Variants in LNX1 observed in about 807,000 individuals in gnomAD.
LNX1 encodes the protein E3 ubiquitin-protein ligase LNX.
A neutral mutation model predicts 68.4 loss-of-function variants in LNX1; 54 were observed. The ratio of observed to expected loss-of-function variants is 0.79; its 90% CI spans 0.63 to 0.99. LNX1 has a LOEUF of 0.99. Among genes scored for constraint, LNX1 ranks in the 50% least tolerant of loss-of-function variants. The pLI, the probability that LNX1 is intolerant of heterozygous loss-of-function variation, is 0.00. For missense variants in LNX1, 906 were observed against 926.4 expected, an observed-to-expected ratio of 0.98 and a Z score of 0.29; for synonymous variants, 336 against 350.0, an observed-to-expected ratio of 0.96 and a Z score of 0.45.
rs757281235 is a variant in LNX1, at chr4:53,558,029, C to G, written c.380+15594G>C. ...TGTCAGCTACAAGGGCCCAAACCAG[C>G]CAAGCTCCTTTAAGCAAACCTTGCC... On this transcript the variant is annotated intron_variant, in intron 2 of 10. Coordinates refer to ENST00000263925, the MANE Select transcript of LNX1 (RefSeq NM_001126328.3). The G allele has an allele frequency of 2.1e-5, 33 of 1,603,484 alleles. No individual in the cohort carries two copies. The East Asian group carries it at 7.4e-4, about 36-fold the overall frequency.
At chr4:53,584,836 T>C (rs566465945) in intron 1 of LNX1, among the ~76,000 whole-genome samples, 84 of 152,368 alleles carry the variant, frequency 5.5e-4, no homozygotes, top group African/African-American at 2.0e-3. Context: ...GTTTTTCAAA[T>C]AGCTAGTGCT....
chr4:53,630,331 G>A (rs1257937148), intron 1 of LNX1, among the ~76,000 whole-genome samples: 2 of 152,044 alleles, frequency 1.3e-5, no homozygotes, highest in African/African-American at 4.8e-5. Context: ...CAGGATTCAC[G>A]GTGTTTTCAC....
At chr4:53,651,638 A>T (rs1268010520) in intron 1 of LNX1, among the ~76,000 whole-genome samples, 1 of 152,140 alleles carries the variant, frequency 6.6e-6, no homozygotes, top group African/African-American at 2.4e-5. Context: ...TGGAGACAGG[A>T]TGTGCTGCTG....
intron 9 of LNX1, among the ~76,000 whole-genome samples, chr4:53,474,415 C>G (rs996912337): frequency 4.6e-5 from 7 of 152,162 alleles, no homozygotes; most frequent in Non-Finnish European, 1.0e-4. Context: ...TCTCACACCA[C>G]AACAGCAGAA....
chr4:53,542,955 C>T lies in LNX1; in HGVS notation c.380+30668G>A, dbSNP rs574952039. ...TCTAACGTGGTTCTCACTTGCTACT[C>T]AGGAATCCTGTGCTGTAGGAATCAT... On this transcript the variant is annotated intron_variant, in intron 2 of 10. Coordinates refer to ENST00000263925, the MANE Select transcript of LNX1 (RefSeq NM_001126328.3). Among the ~76,000 whole-genome samples, 56 of 152,292 alleles carry T rather than the reference C, an allele frequency of 3.7e-4. No homozygotes were observed. In the South Asian group the frequency reaches 5.2e-3, roughly 14 times the overall value.
intron 6 of LNX1, among the ~76,000 whole-genome samples, chr4:53,488,851 A>C (rs1446259492): frequency 6.6e-6 from 1 of 152,184 alleles, no homozygotes; most frequent in African/African-American, 2.4e-5. Context: ...GTCATCAGTC[A>C]TTCCGGTTGA....
rs760179311 is a variant in LNX1, at chr4:53,498,803, A to G, written c.816T>C (p.Ile272=). Residue 272 remains isoleucine (I), a synonymous_variant, in exon 5 of 11, where the codon ATT becomes ATC. Transcript: ENST00000263925. ...RLYHLIPDGE[I]TSIKINRVDP... ...CTACTCGATTGATCTTGATGCTGGT[A>G]ATTTCACCATCTGGAATCAGGTGGT... 6.2e-7 allele frequency: 1 copy of G among 1,614,044 alleles called. No individual in the cohort carries two copies. The highest frequency in any genetic ancestry group is 1.1e-5 in the South Asian group (1 of 91,078).
At chr4:53,588,649 A>G (rs1732319741) in intron 1 of LNX1, among the ~76,000 whole-genome samples, 1 of 152,102 alleles carries the variant, frequency 6.6e-6, no homozygotes. Context: ...GTAAGGATGG[A>G]GGGGGCCTGT....
At chr4:53,461,155 T>A (rs1158176207) in intron 10 of LNX1, 113 bp from the exon 11 acceptor site, 1 of 847,462 alleles carries the variant, frequency 1.2e-6, no homozygotes, top group African/African-American at 1.7e-5. Flanking sequence ...TTTAATTATG[T>A]TAACTTCTAA....
intron 2 of LNX1, among the ~76,000 whole-genome samples, chr4:53,533,793 G>A (rs1728182492): frequency 6.6e-6 from 1 of 152,204 alleles, no homozygotes; most frequent in South Asian, 2.1e-4. Context: ...ACAATGCCCA[G>A]GACAGCCCCC....
intron 2 of LNX1, among the ~76,000 whole-genome samples, chr4:53,522,621 A>G (rs1727308243): frequency 6.6e-6 from 1 of 152,240 alleles, no homozygotes; most frequent in Admixed American, 6.5e-5. Context: ...CTGTACATAC[A>G]GGGTTGAAGA....
intron 1 of LNX1, among the ~76,000 whole-genome samples, chr4:53,587,017 C>T (rs1245575481): frequency 6.6e-6 from 1 of 152,148 alleles, no homozygotes; most frequent in African/African-American, 2.4e-5. Context: ...ATTCACTCAT[C>T]CAGCAAACAT....
At position 53,467,066 on chromosome 4, in the gene LNX1, C is replaced by T. The variant is rs186198735; in HGVS notation, c.1893-5473G>A. ...CCTCCTCAAGTGTGTCCCTGACCCC[C>T]GAGTAGCCTAACTGGGAGGCACCCC... On this transcript the variant is annotated intron_variant, in intron 9 of 10. Coordinates refer to ENST00000263925, the MANE Select transcript of LNX1 (RefSeq NM_001126328.3). 9.6e-3 allele frequency among the ~76,000 whole-genome samples: 1,459 copies of T among 152,260 alleles called. 21 individuals are homozygous for T. Among genetic ancestry groups the T allele is most frequent in the African/African-American group, 0.033 (1,366 of 41,544 alleles).
intron 6 of LNX1, among the ~76,000 whole-genome samples, chr4:53,486,692 A>G (rs766979577): frequency 2.0e-5 from 3 of 152,068 alleles, no homozygotes; most frequent in African/African-American, 7.2e-5. Flanking sequence ...ATATTCAGAG[A>G]AAAAAAAGAG....
chr4:53,490,052 T>C (rs1724575464), intron 6 of LNX1, among the ~76,000 whole-genome samples: 1 of 152,136 alleles, frequency 6.6e-6, no homozygotes, highest in Non-Finnish European at 1.5e-5. Context: ...TCTGAAGGTC[T>C]ATCTCATTAA....
chr4:53,465,642 G>C (rs1371351184), intron 9 of LNX1, among the ~76,000 whole-genome samples: 1 of 152,198 alleles, frequency 6.6e-6, no homozygotes, highest in Non-Finnish European at 1.5e-5. Context: ...ATGGTCCAGA[G>C]CTAGTTGTGT....
chr4:53,516,502 G>T (rs1726796145), intron 2 of LNX1, among the ~76,000 whole-genome samples: 1 of 152,118 alleles, frequency 6.6e-6, no homozygotes, highest in Admixed American at 6.5e-5. Flanking sequence ...TCTGCTTGGG[G>T]TAATTGGAGA....
intron 1 of LNX1, among the ~76,000 whole-genome samples, chr4:53,587,693 C>A (rs1199834575): frequency 6.6e-6 from 1 of 152,116 alleles, no homozygotes; most frequent in Non-Finnish European, 1.5e-5. Flanking sequence ...CCCACCAGAC[C>A]CTATTTTCTC....
intron 1 of LNX1, among the ~76,000 whole-genome samples, chr4:53,583,173 A>G (rs1731942569): frequency 6.6e-6 from 1 of 152,226 alleles, no homozygotes; most frequent in South Asian, 2.1e-4. Context: ...TATAAAGGCC[A>G]ATTGTAAATG....
Sources: gnomAD v4.1 joint callset for allele counts (sites outside exome capture counted in the v4.1 genomes callset) on GRCh38, gnomAD v4.1.1 for gene constraint, MANE v1.5 for transcripts, NCBI Gene and HGNC (gene_info 2026-07-23, HGNC 2026-07-21) for gene names.